Variants in PITPNC1 observed in about 807,000 individuals in gnomAD.
The protein encoded by PITPNC1 is phosphatidylinositol transfer protein cytoplasmic 1.
Under a neutral mutation model 44.7 loss-of-function variants are expected in PITPNC1, and 18 were observed. The observed-to-expected ratio is 0.40, with a 90% confidence interval of 0.28 to 0.60. The LOEUF is 0.60. PITPNC1 is among the 20% of genes least tolerant of loss of function. The pLI, the probability that PITPNC1 is intolerant of heterozygous loss-of-function variation, is 0.39. For missense variants in PITPNC1, 290 were observed against 418.4 expected, an observed-to-expected ratio of 0.69 and a Z score of 2.68; for synonymous variants, 141 against 149.6, an observed-to-expected ratio of 0.94 and a Z score of 0.42.
intron 1 of PITPNC1, among the ~76,000 whole-genome samples, chr17:67,456,142 G>A (rs1407136370): frequency 6.6e-6 from 1 of 152,212 alleles, no homozygotes; most frequent in Admixed American, 6.5e-5. Context: ...GAACCAGTAA[G>A]TGGGCTGTAA....
chr17:67,492,460 T>TGGTC (rs1314076853), intron 1 of PITPNC1, among the ~76,000 whole-genome samples: 2 of 152,098 alleles, frequency 1.3e-5, no homozygotes, highest in Admixed American at 6.5e-5. Flanking sequence ...AACAAACGGG[T>TGGTC]GGTCCCCTCG....
chr17:67,669,740 C>A, intron 7 of PITPNC1, 77 bp downstream of exon 7: 1 of 1,027,230 alleles, frequency 9.7e-7, no homozygotes, highest in Non-Finnish European at 1.4e-6. Flanking sequence ...CCATGATACA[C>A]AACAGGTGCA....
At chr17:67,625,649 C>A (rs1402985890) in intron 5 of PITPNC1, among the ~76,000 whole-genome samples, 1 of 152,182 alleles carries the variant, frequency 6.6e-6, no homozygotes, top group Admixed American at 6.5e-5. Context: ...GCTGCCACTT[C>A]CCACTGCTCC....
chr17:67,482,181 T>G (rs946537135), intron 1 of PITPNC1, among the ~76,000 whole-genome samples: 6 of 152,234 alleles, frequency 3.9e-5, no homozygotes, highest in African/African-American at 1.4e-4. Context: ...ACATGATCTT[T>G]AACATAAAAT....
intron 2 of PITPNC1, among the ~76,000 whole-genome samples, chr17:67,541,198 G>T (rs117964421): frequency 0.014 from 2,179 of 152,106 alleles, 56 homozygotes; most frequent in South Asian, 0.036. Context: ...CCGGGTGACG[G>T]AGTCAGACTC....
intron 5 of PITPNC1, among the ~76,000 whole-genome samples, chr17:67,600,701 A>G (rs756598141): frequency 6.6e-6 from 1 of 151,820 alleles, no homozygotes; most frequent in Non-Finnish European, 1.5e-5. Flanking sequence ...AGGGAGAAAG[A>G]ATGAGAATTG....
chr17:67,605,614 A>G (rs2041598278), intron 5 of PITPNC1, among the ~76,000 whole-genome samples: 1 of 152,224 alleles, frequency 6.6e-6, no homozygotes, highest in African/African-American at 2.4e-5. Context: ...AAGTAAAAAG[A>G]GTACAGTAAG....
chr17:67,545,099 G>A (rs1042244264), intron 2 of PITPNC1, among the ~76,000 whole-genome samples: 14 of 151,510 alleles, frequency 9.2e-5, no homozygotes, highest in African/African-American at 3.4e-4. Flanking sequence ...ATCCCTTGAG[G>A]CCAGGAGTTC....
chr17:67,564,980 C>T (rs1054797126), intron 4 of PITPNC1, among the ~76,000 whole-genome samples: 2 of 151,904 alleles, frequency 1.3e-5, no homozygotes, highest in African/African-American at 4.8e-5. Flanking sequence ...TACTCGTTTG[C>T]CATGTTTTTC....
chr17:67,467,208 G>T (rs202023496), intron 1 of PITPNC1, among the ~76,000 whole-genome samples: 1 of 151,736 alleles, frequency 6.6e-6, no homozygotes, highest in East Asian at 1.9e-4. Context: ...ACCATTCTTG[G>T]CTATTTTTTG....
At position 67,378,094 on chromosome 17, in the gene PITPNC1, CCTTGCTGGTCTTGGGGGCGCCCCCCG is replaced by C. The variant is rs1567967535; in HGVS notation, c.-57_-32del. ...GCCCTGCCCTGCGCCTGGGCAGCAG[CCTTGCTGGTCTTGGGGGCGCCCCCCG>C]CTTCCCGCCCCGGGGGTCCGCGGCC... On this transcript the variant is annotated 5_prime_UTR_variant, in exon 1 of 9. Coordinates refer to ENST00000581322, the MANE Select transcript of PITPNC1 (RefSeq NM_012417.4). 1 of 1,262,094 alleles carries C rather than the reference CCTTGCTGGTCTTGGGGGCGCCCCCCG, an allele frequency of 7.9e-7. No homozygotes were observed. Among genetic ancestry groups the C allele is most frequent in the East Asian group, 2.9e-5 (1 of 34,442 alleles). The allele number at this position is 1,262,094 out of a possible 1,614,324, so 78.2% of individuals were successfully genotyped here.
intron 5 of PITPNC1, among the ~76,000 whole-genome samples, chr17:67,579,533 G>A (rs908238960): frequency 4.0e-5 from 6 of 151,678 alleles, no homozygotes; most frequent in African/African-American, 1.5e-4. Flanking sequence ...TCACAGGCGC[G>A]TTGCTGGCCA....
chr17:67,576,350 A>AG lies in PITPNC1; in HGVS notation c.295-1829dup, dbSNP rs1191181526. ...ACCTCCATCTCCTCATCTTTAAAGC[A>AG]GGGGGGGATGGTAATAGTACCTCCT... On this transcript the variant is annotated intron_variant, in intron 4 of 8. Coordinates refer to ENST00000581322, the MANE Select transcript of PITPNC1 (RefSeq NM_012417.4). Among the ~76,000 whole-genome samples the AG allele has an allele frequency of 3.9e-5, 6 of 152,054 alleles. No homozygotes were observed. The East Asian group carries it at 5.8e-4, about 15-fold the overall frequency.
chr17:67,425,765 G>A (rs943011410), intron 1 of PITPNC1, among the ~76,000 whole-genome samples: 5 of 152,012 alleles, frequency 3.3e-5, no homozygotes, highest in East Asian at 1.9e-4. Context: ...CTAGCCTTAC[G>A]TGATCCTTTC....
intron 1 of PITPNC1, among the ~76,000 whole-genome samples, chr17:67,524,031 T>G (rs1232828837): frequency 6.6e-6 from 1 of 151,964 alleles, no homozygotes; most frequent in Non-Finnish European, 1.5e-5. Flanking sequence ...AGGCTAGTCT[T>G]GAACTCCTGA....
chr17:67,641,783 A>AAATAATCCCTACCTCAAAAT (rs1555575887), intron 6 of PITPNC1, among the ~76,000 whole-genome samples: 1 of 135,930 alleles, frequency 7.4e-6, no homozygotes, highest in Non-Finnish European at 1.6e-5. Context: ...CCCTACCTCA[A>AAATAATCCCTACCTCAAAAT]AATAATAATA....
At chr17:67,589,900 G>A (rs759173279) in intron 5 of PITPNC1, among the ~76,000 whole-genome samples, 2 of 152,104 alleles carry the variant, frequency 1.3e-5, no homozygotes, top group Non-Finnish European at 2.9e-5. Flanking sequence ...CCCAGGAGGT[G>A]GAGGTTGCAG....
chr17:67,475,922 G>A (rs944905468), intron 1 of PITPNC1, among the ~76,000 whole-genome samples: 1 of 152,038 alleles, frequency 6.6e-6, no homozygotes, highest in African/African-American at 2.4e-5. Flanking sequence ...GCAACAGAGC[G>A]GTCTCTAACG....
chr17:67,525,283 C>G (rs1366176246), intron 1 of PITPNC1: 1 of 152,206 alleles, frequency 6.6e-6, no homozygotes, highest in Non-Finnish European at 1.5e-5. Flanking sequence ...GAACAACGGT[C>G]TGCAAACTTA....
Sources: allele counts gnomAD v4.1 joint callset (sites outside exome capture counted in the v4.1 genomes callset), GRCh38; gene constraint gnomAD v4.1.1; transcripts MANE v1.5; gene names NCBI Gene and HGNC (gene_info 2026-07-23, HGNC 2026-07-21).